MRTFB: variants seen among roughly 807,000 people sequenced by gnomAD.
MRTFB encodes the protein myocardin-related transcription factor B.
In MRTFB, 29 loss-of-function variants were observed where a neutral mutation model predicts 104.2. That is an observed-to-expected ratio of 0.28 (90% CI 0.21 to 0.38). MRTFB has a LOEUF of 0.38. MRTFB is among the 10% of genes least tolerant of loss of function. MRTFB has a pLI of 1.00. For synonymous variants in MRTFB, 535 were observed against 519.5 expected (o/e 1.03, Z -0.41); for missense variants, 1,270 against 1,341.6 (o/e 0.95, Z 0.83).
In MRTFB at chr16:14,079,359, GT is replaced by G. The variant is rs1220226270; in HGVS notation, c.-64+12del. On this transcript the variant is annotated splice_donor_region_variant and intron_variant, in intron 2 of 16. Coordinates refer to ENST00000571589, the MANE Select transcript of MRTFB (RefSeq NM_001308142.2). ...TAATTAAATATTCTTACCGAGGTAAGTTTTTTTATAATTTTTTTTTAACAAA... is the reference window on the plus strand; with the variant it reads ...TAATTAAATATTCTTACCGAGGTAAGTTTTTTATAATTTTTTTTTAACAAA... 3 of 349,886 alleles carry G rather than the reference GT, an allele frequency of 8.6e-6. No homozygotes were observed. The highest frequency in any genetic ancestry group is 4.2e-5 in the African/African-American group (2 of 47,706). 21.7% of individuals were successfully genotyped at this position (349,886 alleles called of 1,614,324 possible).
At chr16:14,256,639 G>A (rs1231028153) in intron 15 of MRTFB, among the ~76,000 whole-genome samples, 1 of 152,224 alleles carries the variant, frequency 6.6e-6, no homozygotes, top group East Asian at 1.9e-4. Flanking sequence ...CCAGTCAAGG[G>A]CATTCCCCAG....
chr16:14,231,050 A>G (rs1231412869), intron 8 of MRTFB, among the ~76,000 whole-genome samples: 29 of 150,468 alleles, frequency 1.9e-4, no homozygotes, highest in East Asian at 4.0e-4. Context: ...ACCAAACACC[A>G]CGTATTCTCA....
At chr16:14,234,020 C>T in intron 8 of MRTFB, 126 bp from the exon 9 acceptor site, 1 of 1,153,636 alleles carries the variant, frequency 8.7e-7, no homozygotes. Context: ...CAGACATAAT[C>T]ATATATTTTT....
the MRTFB span, among the ~76,000 whole-genome samples, chr16:14,038,910 CA>C: frequency 3.9e-5 from 6 of 152,158 alleles, no homozygotes; most frequent in Non-Finnish European, 7.3e-5. Context: ...TACATGGCAG[CA>C]GGCAAGATAG....
intron 8 of MRTFB, among the ~76,000 whole-genome samples, chr16:14,224,640 T>C (rs1292356696): frequency 2.6e-5 from 4 of 152,172 alleles, no homozygotes; most frequent in Non-Finnish European, 5.9e-5. Flanking sequence ...TCAGTGGATT[T>C]CTCAGTAGAA....
chr16:14,242,269 AC>A (rs1257994592), intron 10 of MRTFB, among the ~76,000 whole-genome samples: 2 of 152,072 alleles, frequency 1.3e-5, no homozygotes, highest in African/African-American at 4.8e-5. Flanking sequence ...CTGAACTGTT[AC>A]CAGTTCTTTG....
intron 8 of MRTFB, among the ~76,000 whole-genome samples, chr16:14,231,818 G>A (rs1458064699): frequency 2.0e-5 from 3 of 152,154 alleles, no homozygotes; most frequent in African/African-American, 7.2e-5. Flanking sequence ...GTACGGGAAC[G>A]GAGGGGCTTT....
At chr16:14,252,906 G>A (rs1046328156) in intron 15 of MRTFB, among the ~76,000 whole-genome samples, 4 of 152,064 alleles carry the variant, frequency 2.6e-5, no homozygotes, top group Non-Finnish European at 5.9e-5. Context: ...GACATTCAAG[G>A]CCACCAGCAC....
chr16:14,017,212 A>C, the MRTFB span, among the ~76,000 whole-genome samples: 1 of 151,712 alleles, frequency 6.6e-6, no homozygotes, highest in South Asian at 2.1e-4. Flanking sequence ...GCCCGCCACC[A>C]CACCCGGCTA....
rs2043744076 is a variant in MRTFB at position 14,260,831 on chromosome 16, A to C, written c.2765-78A>C. The C allele has an allele frequency of 5.0e-6, 6 of 1,203,858 alleles. 1 individual carries two copies. In the South Asian group the frequency reaches 9.1e-5, roughly 18 times the overall value. 74.6% of individuals were successfully genotyped at this position (1,203,858 alleles called of 1,614,324 possible). A position where few individuals can be genotyped will look rare whatever the true frequency, so the allele number is the denominator to read the frequency against. ...AGAAGGAATCGCATAATAGCAATGT[A>C]ACTGTCCTAGTAATTAATAAAAATT... On this transcript the variant is annotated intron_variant, in intron 16 of 16. Transcript: ENST00000571589.
intron 10 of MRTFB, chr16:14,240,748 CT>C (rs1567206382): frequency 2.6e-6 from 2 of 777,856 alleles, no homozygotes; most frequent in South Asian, 2.7e-5. Flanking sequence ...CCAGATTTGC[CT>C]ATTATTAGAA....
chr16:14,091,872 G>C (rs1012545121), intron 2 of MRTFB, among the ~76,000 whole-genome samples: 3 of 151,818 alleles, frequency 2.0e-5, no homozygotes, highest in African/African-American at 7.3e-5. Flanking sequence ...GCAGCTGCCT[G>C]TAATCCCAGC....
chr16:14,078,806 A>G (rs900732851), intron 1 of MRTFB, among the ~76,000 whole-genome samples: 1 of 141,650 alleles, frequency 7.1e-6, no homozygotes, highest in African/African-American at 3.0e-5. Flanking sequence ...ATTATATAAT[A>G]ACATTATAAT....
intron 2 of MRTFB, among the ~76,000 whole-genome samples, chr16:14,117,450 C>A (rs2036600377): frequency 6.6e-6 from 1 of 152,198 alleles, no homozygotes; most frequent in Admixed American, 6.5e-5. Context: ...TCCTTCACAG[C>A]ATTTTTCACA....
At chr16:13,999,142 A>G in the MRTFB span, among the ~76,000 whole-genome samples, 7 of 150,752 alleles carry the variant, frequency 4.6e-5, no homozygotes, top group African/African-American at 1.7e-4. Context: ...GTGAGCTGAG[A>G]TCTCGTCACT....
Position 14,240,323 on chromosome 16 carries a change from C to T in MRTFB, c.918C>T (p.His306=). 2 of 1,614,124 alleles carry T rather than the reference C, an allele frequency of 1.2e-6. No individual in the cohort carries two copies. The highest frequency in any genetic ancestry group is 1.3e-5 in the African/African-American group (1 of 75,006). Residue 306 remains histidine (H), a synonymous_variant, in exon 10 of 17, where the codon CAC becomes CAT. Coordinates refer to ENST00000571589, the MANE Select transcript of MRTFB (RefSeq NM_001308142.2). ...PKPRVKKLKY[H]QYIPPDQKGE... ...CACGGGTAAAGAAGTTAAAGTACCA[C>T]CAATACATTCCACCAGATCAGAAGG...
At position 14,175,447 on chromosome 16, in the gene MRTFB, T is replaced by G. The variant is rs996929369; in HGVS notation, c.154+34687T>G. Reference sequence around the variant, plus strand: ...TCCATGTTGTTTATGTAATTCATTTTTATTTCTGAGTAGCATTCTCCTATA... The same window carrying G: ...TCCATGTTGTTTATGTAATTCATTTGTATTTCTGAGTAGCATTCTCCTATA... On this transcript the variant is annotated intron_variant, in intron 3 of 16. Coordinates refer to ENST00000571589, the MANE Select transcript of MRTFB (RefSeq NM_001308142.2). Among the ~76,000 whole-genome samples the G allele has an allele frequency of 3.9e-5, 6 of 152,266 alleles. No individual in the cohort carries two copies. In the East Asian group the frequency reaches 9.6e-4, roughly 24 times the overall value.
chr16:14,252,488 G>A lies in MRTFB; in HGVS notation c.2689G>A (p.Ala897Thr), dbSNP rs1336835775. The change falls in exon 15 of 17, where the codon GCC (alanine) becomes ACC (threonine). Residue 897 changes from alanine (A) to threonine (T), a missense_variant. By Grantham distance (58) the Ala-to-Thr change is moderately conservative. Coordinates refer to ENST00000571589, the MANE Select transcript of MRTFB (RefSeq NM_001308142.2). ...EAIKQTRSTQ[A>T]PLPEISNAHS... ...CATCAAGCAGACACGCAGCACACAGGCCCCTCTGCCAGAGGTAAGTGAGGG... is the reference window on the plus strand; with the variant it reads ...CATCAAGCAGACACGCAGCACACAGACCCCTCTGCCAGAGGTAAGTGAGGG... 1.2e-6 allele frequency: 2 copies of A among 1,613,906 alleles called. No individual in the cohort carries two copies. Among genetic ancestry groups the A allele is most frequent in the South Asian group, 1.1e-5 (1 of 91,054 alleles).
At chr16:14,163,707 C>T (rs1264506363) in intron 3 of MRTFB, among the ~76,000 whole-genome samples, 1 of 151,862 alleles carries the variant, frequency 6.6e-6, no homozygotes, top group East Asian at 1.9e-4. Context: ...GTGGCGGGCA[C>T]CTGTAATCCC....
Sources: gnomAD v4.1 joint callset for allele counts (sites outside exome capture counted in the v4.1 genomes callset) on GRCh38, gnomAD v4.1.1 for gene constraint, MANE v1.5 for transcripts, NCBI Gene and HGNC (gene_info 2026-07-23, HGNC 2026-07-21) for gene names.